The following NLGN1 variants were observed in gnomAD, a reference collection of about 807,000 sequenced individuals.
The protein encoded by NLGN1 is neuroligin 1.
Under a neutral mutation model 65.5 loss-of-function variants are expected in NLGN1, and 12 were observed. The ratio of observed to expected loss-of-function variants is 0.18; its 90% CI spans 0.12 to 0.30. The LOEUF is 0.30. NLGN1 is among the 10% of genes least tolerant of loss of function. NLGN1 has a pLI of 1.00. For synonymous variants in NLGN1, 350 were observed against 359.5 expected (o/e 0.97, Z 0.30); for missense variants, 750 against 1,007.1 (o/e 0.74, Z 3.46).
intron 4 of NLGN1, among the ~76,000 whole-genome samples, chr3:174,199,528 C>G (rs148724308): frequency 1.3e-5 from 2 of 151,862 alleles, no homozygotes; most frequent in Non-Finnish European, 2.9e-5. Context: ...ACCTAGAGCT[C>G]ACAATCTATG....
intron 3 of NLGN1, among the ~76,000 whole-genome samples, chr3:173,772,630 A>G (rs1280667558): frequency 1.3e-5 from 2 of 152,180 alleles, no homozygotes; most frequent in East Asian, 1.9e-4. Context: ...CTTAGATAAC[A>G]ATAAAAACAT....
intron 4 of NLGN1, among the ~76,000 whole-genome samples, chr3:174,172,491 G>A (rs1438640859): frequency 2.6e-5 from 4 of 151,866 alleles, no homozygotes; most frequent in Admixed American, 6.6e-5. Flanking sequence ...TGTGATTTTT[G>A]TATGTGGCAA....
rs553692311 is a variant in NLGN1 at position 173,541,740 on chromosome 3, A to G, written c.-320-62539A>G. 4.7e-4 allele frequency among the ~76,000 whole-genome samples: 71 copies of G among 152,192 alleles called. 1 individual carries two copies. The highest frequency in any genetic ancestry group is 3.4e-3 in the Middle Eastern group (1 of 294). ...TTATTTTTGTAGTGCATTACTTCAAAAGTTTTGTCTTATTTGTTTTTATAC... is the reference window on the plus strand; with the variant it reads ...TTATTTTTGTAGTGCATTACTTCAAGAGTTTTGTCTTATTTGTTTTTATAC... On this transcript the variant is annotated intron_variant, in intron 2 of 6. Transcript: ENST00000457714.
At chr3:173,624,848 T>C (rs1372678519) in intron 3 of NLGN1, among the ~76,000 whole-genome samples, 1 of 151,794 alleles carries the variant, frequency 6.6e-6, no homozygotes, top group Non-Finnish European at 1.5e-5. Flanking sequence ...TGTTTTTTTT[T>C]TTCCTATTTT....
intron 4 of NLGN1, among the ~76,000 whole-genome samples, chr3:173,896,430 CCCTGTTG>C (rs1280828108): frequency 6.6e-6 from 1 of 152,086 alleles, no homozygotes. Flanking sequence ...TCTCTGAGCA[CCCTGTTG>C]TGCAGTGTCT....
intron 2 of NLGN1, among the ~76,000 whole-genome samples, chr3:173,435,765 G>T (rs184029200): frequency 6.6e-6 from 1 of 152,220 alleles, no homozygotes; most frequent in African/African-American, 2.4e-5. Flanking sequence ...AACCTGGGAG[G>T]CAGAGGCTGC....
chr3:173,414,728 A>G (rs558290557), intron 1 of NLGN1, among the ~76,000 whole-genome samples: 15 of 152,162 alleles, frequency 9.9e-5, no homozygotes, highest in Non-Finnish European at 2.1e-4. Flanking sequence ...TTGGGGAGAG[A>G]AAGGGAGGAT....
At chr3:173,486,774 C>T (rs920463768) in intron 2 of NLGN1, among the ~76,000 whole-genome samples, 2 of 152,122 alleles carry the variant, frequency 1.3e-5, no homozygotes, top group South Asian at 2.1e-4. Flanking sequence ...TCAACTTTTG[C>T]CTGTTATCAT....
At chr3:173,785,573 G>A (rs1309971420) in intron 3 of NLGN1, among the ~76,000 whole-genome samples, 5 of 151,682 alleles carry the variant, frequency 3.3e-5, no homozygotes, top group African/African-American at 1.2e-4. Context: ...AAACCAACAT[G>A]GTACAAAATA....
chr3:173,602,282 A>AT (rs1750671533), intron 2 of NLGN1, among the ~76,000 whole-genome samples: 1 of 152,008 alleles, frequency 6.6e-6, no homozygotes, highest in South Asian at 2.1e-4. Flanking sequence ...TTAGGCATAT[A>AT]TTTTTTTAAA....
chr3:173,427,199 T>C (rs1716261896), intron 1 of NLGN1, among the ~76,000 whole-genome samples: 1 of 151,970 alleles, frequency 6.6e-6, no homozygotes, highest in African/African-American at 2.4e-5. Flanking sequence ...ATTACTTGGG[T>C]CTTTGTTTTT....
At chr3:174,033,226 C>T (rs888605622) in intron 4 of NLGN1, among the ~76,000 whole-genome samples, 5 of 151,826 alleles carry the variant, frequency 3.3e-5, no homozygotes, top group Non-Finnish European at 5.9e-5. Flanking sequence ...TTAGGGACGT[C>T]GAAAGTTAAG....
intron 2 of NLGN1, among the ~76,000 whole-genome samples, chr3:173,447,398 G>A (rs1326497426): frequency 1.3e-5 from 2 of 152,048 alleles, no homozygotes; most frequent in Non-Finnish European, 2.9e-5. Context: ...TATTTCTGAG[G>A]GCTCTGTTCT....
chr3:173,913,222 C>T (rs1179022886), intron 4 of NLGN1, among the ~76,000 whole-genome samples: 1 of 152,124 alleles, frequency 6.6e-6, no homozygotes, highest in South Asian at 2.1e-4. Flanking sequence ...TTCTAAATTA[C>T]ACACCAAAGA....
At chr3:174,082,342 A>G (rs1742404361) in intron 4 of NLGN1, among the ~76,000 whole-genome samples, 1 of 152,160 alleles carries the variant, frequency 6.6e-6, no homozygotes, top group African/African-American at 2.4e-5. Context: ...TCATTGGGCT[A>G]GTGAAAAGTC....
At chr3:173,417,113 C>T (rs181111833) in intron 1 of NLGN1, among the ~76,000 whole-genome samples, 89 of 152,016 alleles carry the variant, frequency 5.9e-4, no homozygotes, top group African/African-American at 1.9e-3. Context: ...AGAAAATGAT[C>T]TACCTTTTTT....
At chr3:174,145,794 T>C (rs1723114949) in intron 4 of NLGN1, among the ~76,000 whole-genome samples, 1 of 152,236 alleles carries the variant, frequency 6.6e-6, no homozygotes, top group African/African-American at 2.4e-5. Context: ...ACGGTGCATA[T>C]ATTTTAAAAG....
intron 2 of NLGN1, among the ~76,000 whole-genome samples, chr3:173,522,606 T>TG (rs398040158): frequency 1.3e-5 from 2 of 151,856 alleles, no homozygotes; most frequent in African/African-American, 4.8e-5. Flanking sequence ...AATTTTTTTT[T>TG]GTATTTTTAG....
intron 3 of NLGN1, among the ~76,000 whole-genome samples, chr3:173,749,951 C>A (rs200808645): frequency 6.6e-6 from 1 of 152,050 alleles, no homozygotes; most frequent in Non-Finnish European, 1.5e-5. Context: ...TTCACTCTCA[C>A]GTGAAGGTAA....
Sources: gnomAD v4.1 joint callset for allele counts (sites outside exome capture counted in the v4.1 genomes callset) on GRCh38, gnomAD v4.1.1 for gene constraint, MANE v1.5 for transcripts, NCBI Gene and HGNC (gene_info 2026-07-23, HGNC 2026-07-21) for gene names.